TMC1: variants seen among roughly 807,000 people sequenced by gnomAD.
The protein encoded by TMC1 is transmembrane channel-like protein 1.
Under a neutral mutation model 105.8 loss-of-function variants are expected in TMC1, and 84 were observed. The observed-to-expected ratio is 0.79, with a 90% CI of 0.67 to 0.95. The LOEUF (loss-of-function observed/expected upper bound fraction) is 0.95. Ranked by LOEUF, TMC1 falls within the 40% of genes least tolerant of loss-of-function variation. The pLI is 0.00. For synonymous variants in TMC1, 315 were observed against 311.5 expected, an observed-to-expected ratio of 1.01 and a Z score of -0.12; for missense variants, 817 against 914.1, an observed-to-expected ratio of 0.89 and a Z score of 1.37.
At chr9:72,624,608 G>A (rs1172819095) in intron 3 of TMC1, among the ~76,000 whole-genome samples, 1 of 152,192 alleles carries the variant, frequency 6.6e-6, no homozygotes, top group Non-Finnish European at 1.5e-5. Flanking sequence ...CACCTCAAGT[G>A]AGGATGAAAT....
In TMC1 at chr9:72,835,934, T is replaced by A; in HGVS notation, c.2261-17T>A. The A allele has an allele frequency of 3.8e-6, 6 of 1,565,794 alleles. No homozygotes were observed. Among genetic ancestry groups the A allele is most frequent in the East Asian group, 2.2e-5 (1 of 44,532 alleles). ...CTCCTTGTTTTTTTTTTTTTTTTTT[T>A]TCTGTTTTGTGAACAGCTGCAGCTG... On this transcript the variant is annotated splice_polypyrimidine_tract_variant and intron_variant, in intron 23 of 23. Coordinates refer to ENST00000297784, the MANE Select transcript of TMC1 (RefSeq NM_138691.3).
chr9:72,595,673 CTTTTTTTTTT>C (rs71357596), intron 2 of TMC1, among the ~76,000 whole-genome samples: 1 of 124,128 alleles, frequency 8.1e-6, no homozygotes, highest in Non-Finnish European at 1.7e-5. Context: ...CAACTCTCAA[CTTTTTTTTTT>C]TTTTTTTTTT....
chr9:72,562,539 A>G (rs1824075105), intron 1 of TMC1, among the ~76,000 whole-genome samples: 1 of 152,224 alleles, frequency 6.6e-6, no homozygotes, highest in South Asian at 2.1e-4. Flanking sequence ...GGAGAAAGTA[A>G]GACAATTTAG....
chr9:72,539,663 A>G (rs747277716), intron 1 of TMC1, among the ~76,000 whole-genome samples: 24 of 152,116 alleles, frequency 1.6e-4, no homozygotes, highest in African/African-American at 5.1e-4. Flanking sequence ...AGAAGTTCCA[A>G]ACTTTCCCTC....
At chr9:72,544,636 C>T (rs919854130) in intron 1 of TMC1, among the ~76,000 whole-genome samples, 7 of 151,748 alleles carry the variant, frequency 4.6e-5, no homozygotes, top group Non-Finnish European at 8.8e-5. Flanking sequence ...CCTGCCACCA[C>T]ACCCGGCTAA....
At chr9:72,738,545 G>A (rs1827337739) in intron 8 of TMC1, among the ~76,000 whole-genome samples, 1 of 151,992 alleles carries the variant, frequency 6.6e-6, no homozygotes, top group Non-Finnish European at 1.5e-5. Context: ...AGCTTCCCCA[G>A]TAGCTGGGAC....
intron 17 of TMC1, among the ~76,000 whole-genome samples, chr9:72,800,264 C>T (rs1023819290): frequency 3.3e-5 from 5 of 152,274 alleles, no homozygotes; most frequent in African/African-American, 9.6e-5. Flanking sequence ...AACTAAGCCG[C>T]TCCCTAAATC....
chr9:72,682,881 C>G (rs372766758), intron 5 of TMC1, among the ~76,000 whole-genome samples: 31 of 152,252 alleles, frequency 2.0e-4, no homozygotes, highest in East Asian at 1.7e-3. Flanking sequence ...ATGGAGGCCT[C>G]AGGAAACTTA....
intron 8 of TMC1, among the ~76,000 whole-genome samples, chr9:72,739,909 A>T (rs1827359648): frequency 6.6e-6 from 1 of 152,216 alleles, no homozygotes; most frequent in Non-Finnish European, 1.5e-5. Flanking sequence ...AGTAAGTGAG[A>T]CTAAAATATC....
chr9:72,641,624 C>A (rs1388273003), intron 4 of TMC1, among the ~76,000 whole-genome samples: 1 of 151,948 alleles, frequency 6.6e-6, no homozygotes, highest in South Asian at 2.1e-4. Context: ...TCCTTCTGTC[C>A]CCAAGGTCCT....
chr9:72,821,517 A>AG (rs200981629), intron 20 of TMC1, among the ~76,000 whole-genome samples: 1 of 151,936 alleles, frequency 6.6e-6, no homozygotes, highest in East Asian at 1.9e-4. Context: ...AAAAAAAAAA[A>AG]GAAAGAAATG....
chr9:72,555,777 C>A (rs1179424202), intron 1 of TMC1, among the ~76,000 whole-genome samples: 1 of 151,710 alleles, frequency 6.6e-6, no homozygotes, highest in Non-Finnish European at 1.5e-5. Context: ...TGTGCTGCCA[C>A]GCCTGGCTAA....
intron 23 of TMC1, among the ~76,000 whole-genome samples, chr9:72,831,851 G>C (rs1028941629): frequency 6.6e-6 from 1 of 151,884 alleles, no homozygotes; most frequent in Non-Finnish European, 1.5e-5. Flanking sequence ...TGGACATTTG[G>C]GTTGGTTCCA....
At chr9:72,775,049 A>T (rs78162500) in intron 13 of TMC1, among the ~76,000 whole-genome samples, 2,591 of 152,312 alleles carry the variant, frequency 0.017, 66 homozygotes, top group African/African-American at 0.06. Flanking sequence ...TAGCAAAATC[A>T]GAAAATAAAA....
chr9:72,645,012 A>G (rs1480363721), intron 4 of TMC1, among the ~76,000 whole-genome samples: 1 of 152,206 alleles, frequency 6.6e-6, no homozygotes, highest in East Asian at 1.9e-4. Flanking sequence ...ATGCTTTATG[A>G]AAAATTTATG....
At chr9:72,569,772 G>A (rs1208302497) in intron 1 of TMC1, among the ~76,000 whole-genome samples, 1 of 152,186 alleles carries the variant, frequency 6.6e-6, no homozygotes, top group East Asian at 1.9e-4. Flanking sequence ...TATCTTGTCA[G>A]TAATAAGAAG....
intron 1 of TMC1, among the ~76,000 whole-genome samples, chr9:72,538,718 G>T (rs952785503): frequency 2.6e-5 from 4 of 152,058 alleles, no homozygotes; most frequent in African/African-American, 9.7e-5. Context: ...GGATTACTGG[G>T]ATTACAGGCA....
At chr9:72,629,711 A>G (rs374258394) in intron 4 of TMC1, among the ~76,000 whole-genome samples, 1 of 152,208 alleles carries the variant, frequency 6.6e-6, no homozygotes. Flanking sequence ...TGCTTTAACT[A>G]GAAAATAGTG....
intron 4 of TMC1, among the ~76,000 whole-genome samples, chr9:72,632,441 T>C (rs756279639): frequency 1.4e-4 from 21 of 152,064 alleles, no homozygotes; most frequent in Non-Finnish European, 2.2e-4. Context: ...GCAGACTCCA[T>C]ACTGCAGAAC....
Sources: gnomAD v4.1 joint callset for allele counts (sites outside exome capture counted in the v4.1 genomes callset) on GRCh38, gnomAD v4.1.1 for gene constraint, MANE v1.5 for transcripts, NCBI Gene and HGNC (gene_info 2026-07-23, HGNC 2026-07-21) for gene names.